The following FAM171A1 variants were observed in gnomAD, a reference collection of about 807,000 sequenced individuals.
The protein encoded by FAM171A1 is family with sequence similarity 171 member A1, also known as protein FAM171A1.
FAM171A1 carries 23 observed loss-of-function variants against 74.9 expected under a neutral mutation model. The observed-to-expected ratio is 0.31, with a 90% CI of 0.22 to 0.44. The LOEUF (loss-of-function observed/expected upper bound fraction) is 0.44, where lower values mean the gene tolerates loss of function less well. Among genes scored for constraint, FAM171A1 ranks in the 20% least tolerant of loss-of-function variants. The probability of loss-of-function intolerance (pLI) is 1.00; values close to 1 mark genes in which losing one functional copy is unlikely to be tolerated. For missense variants in FAM171A1, 1,162 were observed against 1,159.2 expected (o/e 1.00, Z -0.03); for synonymous variants, 527 against 505.7 (o/e 1.04, Z -0.57).
At chr10:15,357,421 T>A (rs1225350622) in intron 1 of FAM171A1, among the ~76,000 whole-genome samples, 2 of 152,090 alleles carry the variant, frequency 1.3e-5, no homozygotes, top group Non-Finnish European at 2.9e-5. Context: ...AGAAAACTAA[T>A]CTGTAGTAGA....
intron 1 of FAM171A1, among the ~76,000 whole-genome samples, chr10:15,304,128 T>C (rs1835265501): frequency 6.6e-6 from 1 of 152,222 alleles, no homozygotes; most frequent in Non-Finnish European, 1.5e-5. Flanking sequence ...GGATGTGCTA[T>C]AATCCTCAAC....
At chr10:15,241,855 A>G (rs1445556708) in intron 5 of FAM171A1, 2 of 152,202 alleles carry the variant, frequency 1.3e-5, no homozygotes, top group African/African-American at 2.4e-5. Flanking sequence ...ATCATCCTGA[A>G]GAACTAAAAC....
intron 1 of FAM171A1, among the ~76,000 whole-genome samples, chr10:15,359,479 G>C (rs1029682679): frequency 2.0e-5 from 3 of 152,120 alleles, no homozygotes; most frequent in Admixed American, 6.5e-5. Flanking sequence ...CAAGGGCAGA[G>C]AAATGGGCCT....
intron 4 of FAM171A1, among the ~76,000 whole-genome samples, chr10:15,252,490 C>T (rs45472299): frequency 0.021 from 3,237 of 152,214 alleles, 58 homozygotes; most frequent in Non-Finnish European, 0.026. Flanking sequence ...CTCTTAGATG[C>T]CTTTAGTAAA....
intron 5 of FAM171A1, among the ~76,000 whole-genome samples, chr10:15,226,077 T>C (rs1834102620): frequency 6.6e-6 from 1 of 152,134 alleles, no homozygotes; most frequent in African/African-American, 2.4e-5. Context: ...GCAGCTGAGG[T>C]GGCCGCTGGG....
chr10:15,283,861 G>A lies in FAM171A1; in HGVS notation c.325+17C>T, dbSNP rs755518652. The A allele has an allele frequency of 6.2e-7, 1 of 1,612,826 alleles. No individual in the cohort carries two copies. Among genetic ancestry groups the A allele is most frequent in the Non-Finnish European group, 8.5e-7 (1 of 1,178,794 alleles). On this transcript the variant is annotated intron_variant, in intron 2 of 7. Coordinates refer to ENST00000378116, the MANE Select transcript of FAM171A1 (RefSeq NM_001010924.2). The stretch of plus-strand genomic sequence containing the variant: ...GCCAATGCCCTCTGTGTTAAAGAAA[G>A]ATGAGGAACGCCTTACCAGGTAACC...
chr10:15,258,359 T>G (rs1834609919), intron 3 of FAM171A1, among the ~76,000 whole-genome samples: 1 of 152,146 alleles, frequency 6.6e-6, no homozygotes, highest in African/African-American at 2.4e-5. Context: ...CCCTCTTCTC[T>G]TCTGCCCCTA....
Position 15,213,812 on chromosome 10 carries a change from C to A in FAM171A1, c.1776G>T (p.Gly592=), listed in dbSNP as rs369521935. The change falls in exon 8 of 8, where the codon GGG becomes GGT. Residue 592 remains glycine (G), a synonymous_variant. Coordinates refer to ENST00000378116, the MANE Select transcript of FAM171A1 (RefSeq NM_001010924.2). This position sits in a 1 kb window ranked among gnomAD's most constrained non-coding sequence, Gnocchi z 6.8. ...GGGGCTGGCTGACATAGGAGTGGTCCCCGGGGAGTTTCATATAATGAGCCG... is the reference window on the plus strand; with the variant it reads ...GGGGCTGGCTGACATAGGAGTGGTCACCGGGGAGTTTCATATAATGAGCCG... The part of the protein sequence containing the change: ...VIPAHYMKLP[G]DHSYVSQPLV... 14 of 1,614,098 alleles carry A rather than the reference C, an allele frequency of 8.7e-6. No homozygotes were observed. Among genetic ancestry groups the A allele is most frequent in the East Asian group, 2.2e-5 (1 of 44,878 alleles).
chr10:15,360,729 C>T (rs574311091), intron 1 of FAM171A1, among the ~76,000 whole-genome samples: 39 of 152,344 alleles, frequency 2.6e-4, no homozygotes, highest in Non-Finnish European at 5.0e-4. Context: ...TGTCTGGCAT[C>T]TAGGGTCAAC....
At chr10:15,264,014 T>A (rs1210593049) in intron 3 of FAM171A1, among the ~76,000 whole-genome samples, 1 of 152,172 alleles carries the variant, frequency 6.6e-6, no homozygotes, top group East Asian at 1.9e-4. Context: ...AGTCTTGCTC[T>A]GTTGCCCAGG....
At chr10:15,365,057 A>G (rs11259625) in intron 1 of FAM171A1, among the ~76,000 whole-genome samples, 3,802 of 152,240 alleles carry the variant, frequency 0.025, 157 homozygotes, top group African/African-American at 0.087. Flanking sequence ...TTATTCTACT[A>G]CCACAACGTC....
intron 4 of FAM171A1, among the ~76,000 whole-genome samples, chr10:15,252,149 G>A (rs972427666): frequency 2.6e-5 from 4 of 152,146 alleles, no homozygotes; most frequent in South Asian, 2.1e-4. Context: ...GGAACACCAC[G>A]GAACATTCTG....
chr10:15,339,155 T>C lies in FAM171A1; in HGVS notation c.97+31801A>G, dbSNP rs933555281. ...TTATTTTTTAATAAACTTTCAAATA[T>C]AGAATAATTTTTGATTTACAAAAAA... On this transcript the variant is annotated intron_variant, in intron 1 of 7. Transcript: ENST00000378116. Among the ~76,000 whole-genome samples, 4 of 152,334 alleles carry C rather than the reference T, an allele frequency of 2.6e-5. No individual in the cohort carries two copies. The East Asian group carries it at 7.7e-4, about 29-fold the overall frequency.
intron 7 of FAM171A1, 113 bp from the exon 8 acceptor site, chr10:15,214,714 A>G (rs1372656296): frequency 7.1e-7 from 1 of 1,406,798 alleles, no homozygotes; most frequent in Non-Finnish European, 9.3e-7. Flanking sequence ...GACAAAACAA[A>G]ACAAGTCAGG....
At chr10:15,314,048 T>C (rs1217886464) in intron 1 of FAM171A1, among the ~76,000 whole-genome samples, 1 of 152,232 alleles carries the variant, frequency 6.6e-6, no homozygotes, top group East Asian at 1.9e-4. Context: ...AGATATTTCC[T>C]GTTGACACTG....
At chr10:15,252,571 G>C (rs569688575) in intron 4 of FAM171A1, among the ~76,000 whole-genome samples, 33 of 152,300 alleles carry the variant, frequency 2.2e-4, no homozygotes, top group African/African-American at 2.9e-4. Flanking sequence ...CCATGGAGCT[G>C]GTGAGTTACT....
intron 1 of FAM171A1, among the ~76,000 whole-genome samples, chr10:15,328,488 A>AT (rs1835585720): frequency 6.6e-6 from 1 of 152,164 alleles, no homozygotes; most frequent in African/African-American, 2.4e-5. Context: ...TTTGAACAAG[A>AT]TGCCTTGTAG....
At chr10:15,256,538 G>T (rs960328199) in intron 3 of FAM171A1, among the ~76,000 whole-genome samples, 2 of 152,116 alleles carry the variant, frequency 1.3e-5, no homozygotes, top group Non-Finnish European at 2.9e-5. Context: ...ATCTAACTCC[G>T]GTCATCTCTG....
intron 1 of FAM171A1, among the ~76,000 whole-genome samples, chr10:15,309,425 C>A (rs1009248626): frequency 6.6e-6 from 1 of 152,268 alleles, no homozygotes; most frequent in South Asian, 2.1e-4. Flanking sequence ...CCAGGCTGGT[C>A]TTGAACTCCT....
Sources: gnomAD v4.1 joint callset for allele counts (sites outside exome capture counted in the v4.1 genomes callset) on GRCh38, gnomAD v4.1.1 for gene constraint, Gnocchi (gnomAD v3.1) non-coding constraint, MANE v1.5 for transcripts, NCBI Gene and HGNC (gene_info 2026-07-23, HGNC 2026-07-21) for gene names.